Variants in PRPS1 observed in about 807,000 individuals in gnomAD.
The protein encoded by PRPS1 is ribose-phosphate pyrophosphokinase 1.
PRPS1 carries 1 observed loss-of-function variant against 16.9 expected under a neutral mutation model. The observed-to-expected ratio is 0.06, with a 90% CI of 0.02 to 0.28. The LOEUF is 0.28. Among genes scored for constraint, PRPS1 ranks in the 10% least tolerant of loss-of-function variants. The pLI, the probability that PRPS1 is intolerant of heterozygous loss-of-function variation, is 1.00. For synonymous variants in PRPS1, 70 were observed against 90.2 expected (o/e 0.78, Z 1.27); for missense variants, 47 against 254.0 (o/e 0.19, Z 5.54).
At chrX:107,649,722 G>A (rs1925788000) in intron 6 of PRPS1, among the ~76,000 whole-genome samples, 1 of 112,190 alleles carries the variant, frequency 8.9e-6, no homozygotes, top group African/African-American at 3.2e-5. Flanking sequence ...CTCCCAAAGT[G>A]CAGGGATTAA....
At chrX:107,649,736 G>A (rs1267628980) in intron 6 of PRPS1, among the ~76,000 whole-genome samples, 1 of 112,474 alleles carries the variant, frequency 8.9e-6, no homozygotes, top group East Asian at 2.8e-4. Context: ...GGATTAACAG[G>A]TGTGAGCCAC....
Position 107,650,728 on chromosome X carries a change from C to G in PRPS1, c.*696C>G, listed in dbSNP as rs374457825. 7 of 296,238 alleles carry G rather than the reference C, an allele frequency of 2.4e-5. No individual in the cohort carries two copies. Among genetic ancestry groups the G allele is most frequent in the African/African-American group, 5.5e-5 (2 of 36,150 alleles). 24.4% of individuals were successfully genotyped at this position (296,238 alleles called of 1,213,427 possible). The stretch of plus-strand genomic sequence containing the variant: ...TGATCCTTTCCTGGCCAAATATCCT[C>G]TTGGGCCCAAATGAACATTGTACCA... On this transcript the variant is annotated 3_prime_UTR_variant, in exon 7 of 7. Coordinates refer to ENST00000372435, the MANE Select transcript of PRPS1 (RefSeq NM_002764.4).
chrX:107,648,418 TATC>T (rs1925748846), intron 6 of PRPS1, among the ~76,000 whole-genome samples: 1 of 106,657 alleles, frequency 9.4e-6, no homozygotes, highest in African/African-American at 3.6e-5. Context: ...ATTGGAGGAT[TATC>T]ATCTTTTTTT....
At chrX:107,641,263 A>T in intron 3 of PRPS1, 1 of 666,739 alleles carries the variant, frequency 1.5e-6, no homozygotes. Context: ...AAGCTTGGGA[A>T]GGTTACTTAA....
Position 107,630,738 on chromosome X carries a change from AACAC to A in PRPS1, c.122+2021_122+2024del, listed in dbSNP as rs111543861. ...TCCTTGGCTGTCTGGTTATTTAGGA[AACAC>A]ACACACACACACACACACACACACA... On this transcript the variant is annotated intron_variant, in intron 1 of 6. Coordinates refer to ENST00000372435, the MANE Select transcript of PRPS1 (RefSeq NM_002764.4). Among the ~76,000 whole-genome samples, 289 of 95,858 alleles carry A rather than the reference AACAC, an allele frequency of 3.0e-3. 2 individuals are homozygous for A. The highest frequency in any genetic ancestry group is 0.021 in the Admixed American group (184 of 8,746). The allele number at this position is 95,858 out of a possible 115,157, so 83.2% of individuals were successfully genotyped here.
chrX:107,649,111 G>T (rs754902371), intron 6 of PRPS1, among the ~76,000 whole-genome samples: 1 of 108,819 alleles, frequency 9.2e-6, no homozygotes, highest in African/African-American at 3.4e-5. Context: ...TTTAGACAGG[G>T]TCTCACTCTG....
chrX:107,650,044 C>A lies in PRPS1; in HGVS notation c.*12C>A. ...ATGTCCCTTTATAATAGAGTAACTT[C>A]TGAGGCTTTTTGAGAATAAAATCCA... On this transcript the variant is annotated 3_prime_UTR_variant, in exon 7 of 7. Coordinates refer to ENST00000372435, the MANE Select transcript of PRPS1 (RefSeq NM_002764.4). 8.3e-7 allele frequency: 1 copy of A among 1,211,910 alleles called. No individual in the cohort carries two copies. Among genetic ancestry groups the A allele is most frequent in the South Asian group, 1.8e-5 (1 of 57,011 alleles).
rs767292037 is a variant in PRPS1 at position 107,645,093 on chromosome X, C to A, written c.531-84C>A. 61 of 1,088,782 alleles carry A rather than the reference C, an allele frequency of 5.6e-5. No homozygotes were observed. In the Admixed American group the frequency reaches 1.1e-3, roughly 19 times the overall value. 89.7% of individuals were successfully genotyped at this position (1,088,782 alleles called of 1,213,427 possible). ...CCTCCCAAAGTGCTGGGATTACAGG[C>A]GTGAGCCACCGCCCCCGGCCTCTTT... On this transcript the variant is annotated intron_variant, in intron 4 of 6. Transcript: ENST00000372435.
At position 107,650,111 on chromosome X, in the gene PRPS1, C is replaced by T. The variant is rs1925794854; in HGVS notation, c.*79C>T. 2 of 1,203,325 alleles carry T rather than the reference C, an allele frequency of 1.7e-6. No individual in the cohort carries two copies. The highest frequency in any genetic ancestry group is 1.7e-5 in the African/African-American group (1 of 57,620). On this transcript the variant is annotated 3_prime_UTR_variant, in exon 7 of 7. Transcript: ENST00000372435. ...CCTTGGTATTTGATGACAAATTCAG[C>T]AGAAGACCCGGCTTGCTCCAGTGTA...
intron 1 of PRPS1, among the ~76,000 whole-genome samples, chrX:107,637,032 A>G (rs7886132): frequency 0.076 from 8,557 of 112,337 alleles, 592 homozygotes; most frequent in African/African-American, 0.23. Context: ...CTATATACAC[A>G]CATACACCTC....
chrX:107,647,856 T>C (rs906801368), intron 6 of PRPS1, 91 bp downstream of exon 6: 8 of 1,001,809 alleles, frequency 8.0e-6, no homozygotes, highest in South Asian at 4.0e-5. Flanking sequence ...TCTGAAGATA[T>C]CTTTCTTTGG....
chrX:107,633,129 T>G (rs1190327141), intron 1 of PRPS1, among the ~76,000 whole-genome samples: 1 of 111,440 alleles, frequency 9.0e-6, no homozygotes, highest in Non-Finnish European at 1.9e-5. Context: ...GCTTTTAATT[T>G]TAAAAAGTTT....
chrX:107,650,712 C>G lies in PRPS1; in HGVS notation c.*680C>G, dbSNP rs770220766. 1 of 296,332 alleles carries G rather than the reference C, an allele frequency of 3.4e-6. No individual in the cohort carries two copies. The highest frequency in any genetic ancestry group is 2.8e-5 in the African/African-American group (1 of 36,205). The allele number at this position is 296,332 out of a possible 1,213,427, so 24.4% of individuals were successfully genotyped here. ...TTACCTTCATCTATCTTGATCCTTT[C>G]CTGGCCAAATATCCTCTTGGGCCCA... is the stretch of plus-strand genomic sequence containing the variant. On this transcript the variant is annotated 3_prime_UTR_variant, in exon 7 of 7. Coordinates refer to ENST00000372435, the MANE Select transcript of PRPS1 (RefSeq NM_002764.4).
rs753199324 is a variant in PRPS1 at position 107,641,117 on chromosome X, C to T, written c.405+117C>T. On this transcript the variant is annotated intron_variant, in intron 3 of 6. Transcript: ENST00000372435. ...AGTACATCTGAAATAAACTAGATAT[C>T]AACAACATTTTAAATGTGTTCACCT... is the stretch of plus-strand genomic sequence containing the variant. The T allele has an allele frequency of 3.4e-6, 4 of 1,189,481 alleles. No homozygotes were observed. In the African/African-American group the frequency reaches 7.0e-5, roughly 21 times the overall value.
chrX:107,643,139 A>G (rs1925615423), intron 4 of PRPS1, among the ~76,000 whole-genome samples: 1 of 112,527 alleles, frequency 8.9e-6, no homozygotes, highest in Non-Finnish European at 1.9e-5. Flanking sequence ...CAAAACACAG[A>G]TGATTAGGAA....
At chrX:107,634,906 C>G (rs1052857342) in intron 1 of PRPS1, among the ~76,000 whole-genome samples, 1 of 105,909 alleles carries the variant, frequency 9.4e-6, no homozygotes, top group East Asian at 2.9e-4. Context: ...ATGACTTGAT[C>G]TCGGTTCACT....
chrX:107,641,122 A>ACATT (rs747112610), intron 3 of PRPS1, 122 bp downstream of exon 3: 9 of 1,187,704 alleles, frequency 7.6e-6, no homozygotes, highest in Non-Finnish European at 1.0e-5. Flanking sequence ...GATATCAACA[A>ACATT]CATTTTAAAT....
chrX:107,638,092 C>T (rs1041989150), intron 1 of PRPS1, among the ~76,000 whole-genome samples: 12 of 109,361 alleles, frequency 1.1e-4, no homozygotes, highest in African/African-American at 4.0e-4. Context: ...GTACCTGCCA[C>T]CACACTCAGC....
chrX:107,649,943 A>G lies in PRPS1; in HGVS notation c.868A>G (p.Ile290Val), dbSNP rs1229690158. ...ATTTCCTTTCTTGCCTTTCTAGGTG[A>G]TTGACATCTCTATGATCCTTGCAGA... ...KMKHCSKIQV[I>V]DISMILAEAI... The change falls in exon 7 of 7, where the codon ATT becomes GTT. Residue 290 changes from isoleucine (I) to valine (V), a missense_variant. Physicochemically the swap from Ile to Val is conservative, Grantham distance 29. Coordinates refer to ENST00000372435, the MANE Select transcript of PRPS1 (RefSeq NM_002764.4). 8 of 1,211,851 alleles carry G rather than the reference A, an allele frequency of 6.6e-6. No individual in the cohort carries two copies. The highest frequency in any genetic ancestry group is 7.8e-6 in the Non-Finnish European group (7 of 895,533).
Sources: gnomAD v4.1 joint callset for allele counts (sites outside exome capture counted in the v4.1 genomes callset) on GRCh38, gnomAD v4.1.1 for gene constraint, MANE v1.5 for transcripts, NCBI Gene and HGNC (gene_info 2026-07-23, HGNC 2026-07-21) for gene names.